The following ACACA variants were observed in gnomAD, a reference collection of about 807,000 sequenced individuals.
ACACA encodes acetyl-CoA carboxylase 1.
A neutral mutation model predicts 296.1 loss-of-function variants in ACACA; 103 were observed. The observed-to-expected ratio is 0.35, with a 90% CI of 0.30 to 0.41. The LOEUF is 0.41. ACACA is among the 10% of genes least tolerant of loss of function. The pLI, the probability that ACACA is intolerant of heterozygous loss-of-function variation, is 1.00. For missense variants in ACACA, 1,554 were observed against 2,989.7 expected, an observed-to-expected ratio of 0.52 and a Z score of 11.20; for synonymous variants, 953 against 1,038.6, an observed-to-expected ratio of 0.92 and a Z score of 1.58.
At chr17:37,277,174 A>G (rs2082318205) in intron 6 of ACACA, 60 bp from the exon 7 acceptor site, 1 of 1,451,528 alleles carries the variant, frequency 6.9e-7, no homozygotes, top group Non-Finnish European at 9.7e-7. Flanking sequence ...CACAAACTGC[A>G]AGAGTCTCTA....
intron 48 of ACACA, 57 bp downstream of exon 48, chr17:37,125,641 T>C (rs897068958): frequency 2.1e-6 from 3 of 1,409,976 alleles, no homozygotes; most frequent in Non-Finnish European, 3.0e-6. Flanking sequence ...CCATGGCTCT[T>C]TCTTTCTTAT....
Position 37,085,471 on chromosome 17 carries a change from G to T in ACACA, c.*1845C>A. ...TACCACTTGTAGATATGTGGGATTT[G>T]ATTTATTGCAAAAAAGCATAGAAGA... is the stretch of plus-strand genomic sequence containing the variant. On this transcript the variant is annotated 3_prime_UTR_variant, in exon 56 of 56. Coordinates refer to ENST00000616317, the MANE Select transcript of ACACA (RefSeq NM_198834.3). 2.5e-6 allele frequency: 1 copy of T among 397,452 alleles called. No homozygotes were observed. Among genetic ancestry groups the T allele is most frequent in the Admixed American group, 4.4e-5 (1 of 22,722 alleles). 24.6% of individuals were successfully genotyped at this position (397,452 alleles called of 1,614,324 possible).
At chr17:37,257,397 C>T (rs986102935) in intron 14 of ACACA, among the ~76,000 whole-genome samples, 3 of 152,048 alleles carry the variant, frequency 2.0e-5, no homozygotes, top group African/African-American at 7.2e-5. Context: ...CCCTCAATAA[C>T]AATACTGTTC....
In ACACA at chr17:37,248,024, C is replaced by A. The variant is rs1440269243; in HGVS notation, c.2296G>T (p.Glu766Ter). 2.5e-6 allele frequency: 4 copies of A among 1,614,108 alleles called. No individual in the cohort carries two copies. The change falls in exon 18 of 56, where the codon GAG (glutamate) becomes TAG (stop). Residue 766 changes from glutamate to a stop codon, truncating the protein, a stop_gained. Coordinates refer to ENST00000616317, the MANE Select transcript of ACACA (RefSeq NM_198834.3). LOFTEE classifies it high-confidence loss of function. Reference sequence around the variant, plus strand: ...ACAGCCACTTACCTATCCACTTCCTCTTTCATATACGTAGTATAACTGCTG... The same window carrying A: ...ACAGCCACTTACCTATCCACTTCCTATTTCATATACGTAGTATAACTGCTG... ...DGSSYTTYMK[E>*]EVDRYRITIG...
chr17:37,264,926 G>A (rs895908067), intron 10 of ACACA, among the ~76,000 whole-genome samples: 2 of 152,118 alleles, frequency 1.3e-5, no homozygotes, highest in African/African-American at 4.8e-5. Flanking sequence ...TCATCATCTG[G>A]TAGCTTGAGT....
At chr17:37,230,673 C>T (rs2079815924) in intron 25 of ACACA, among the ~76,000 whole-genome samples, 1 of 152,194 alleles carries the variant, frequency 6.6e-6, no homozygotes, top group Non-Finnish European at 1.5e-5. Context: ...TCTTAAGATG[C>T]CAACTAACAT....
intron 1 of ACACA, among the ~76,000 whole-genome samples, chr17:37,346,306 G>A (rs1276519399): frequency 2.2e-5 from 3 of 133,740 alleles, no homozygotes; most frequent in African/African-American, 3.1e-5. Flanking sequence ...AACAGAGCAA[G>A]ACTCTCTCTC....
intron 33 of ACACA, among the ~76,000 whole-genome samples, chr17:37,202,091 G>GA (rs899393295): frequency 2.0e-5 from 3 of 151,994 alleles, no homozygotes; most frequent in Admixed American, 2.0e-4. Flanking sequence ...ACAACAATAT[G>GA]AAAAAAATGT....
At chr17:37,284,653 A>G (rs914063493) in intron 4 of ACACA, among the ~76,000 whole-genome samples, 185 bp downstream of exon 4, 16 of 152,226 alleles carry the variant, frequency 1.1e-4, no homozygotes, top group Admixed American at 2.6e-4. Flanking sequence ...GTAAATACAT[A>G]TTATAGGAAA....
At chr17:37,232,461 C>T (rs748528048) in intron 25 of ACACA, among the ~76,000 whole-genome samples, 2 of 152,062 alleles carry the variant, frequency 1.3e-5, no homozygotes, top group Non-Finnish European at 2.9e-5. Context: ...TGGCTCTTAC[C>T]AGCTACTACC....
chr17:37,141,813 T>C (rs142385159), intron 45 of ACACA, among the ~76,000 whole-genome samples: 3,137 of 151,994 alleles, frequency 0.021, 57 homozygotes, highest in Non-Finnish European at 0.03. Context: ...TGCCTCAGCC[T>C]CCTGAGTAGC....
intron 45 of ACACA, chr17:37,141,416 C>CGAGATCT: frequency 6.5e-6 from 2 of 306,512 alleles, no homozygotes; most frequent in South Asian, 3.3e-5. Flanking sequence ...CAGGCACCCC[C>CGAGATCT]ACACCTGGCT....
At chr17:37,234,504 G>A (rs1402677184) in intron 25 of ACACA, among the ~76,000 whole-genome samples, 1 of 151,912 alleles carries the variant, frequency 6.6e-6, no homozygotes. Context: ...AAATAAAAAG[G>A]GACCAATGAA....
intron 3 of ACACA, among the ~76,000 whole-genome samples, chr17:37,302,265 C>G (rs975933741): frequency 6.7e-6 from 1 of 150,138 alleles, no homozygotes; most frequent in Non-Finnish European, 1.5e-5. Flanking sequence ...TGCAATGGCG[C>G]GATCTCGGCT....
At chr17:37,109,939 T>C (rs2073892268) in intron 52 of ACACA, among the ~76,000 whole-genome samples, 1 of 152,218 alleles carries the variant, frequency 6.6e-6, no homozygotes, top group African/African-American at 2.4e-5. Context: ...TCTCTGCTTC[T>C]GCTAGAGTCA....
intron 41 of ACACA, among the ~76,000 whole-genome samples, chr17:37,168,623 T>C (rs1375980996): frequency 2.0e-5 from 3 of 152,268 alleles, no homozygotes; most frequent in East Asian, 1.9e-4. Context: ...CTACAACCGA[T>C]CTTATTTATA....
At chr17:37,336,654 C>T (rs751347189) in intron 2 of ACACA, among the ~76,000 whole-genome samples, 16 of 152,124 alleles carry the variant, frequency 1.1e-4, no homozygotes, top group Non-Finnish European at 1.9e-4. Context: ...GGAGCTCTGT[C>T]TTCACTCTAT....
At chr17:37,358,843 C>T (rs2049268331) in intron 1 of ACACA, among the ~76,000 whole-genome samples, 1 of 152,164 alleles carries the variant, frequency 6.6e-6, no homozygotes, top group Non-Finnish European at 1.5e-5. Flanking sequence ...GCGGGAAGGG[C>T]TGGGCTGCCC....
chr17:37,094,386 C>A (rs974104952), intron 54 of ACACA, among the ~76,000 whole-genome samples: 6 of 152,120 alleles, frequency 3.9e-5, no homozygotes, highest in African/African-American at 1.2e-4. Flanking sequence ...AAAACAAATT[C>A]TCTGGGAACA....
Sources: gnomAD v4.1 joint callset for allele counts (sites outside exome capture counted in the v4.1 genomes callset) on GRCh38, gnomAD v4.1.1 for gene constraint, MANE v1.5 for transcripts, NCBI Gene and HGNC (gene_info 2026-07-23, HGNC 2026-07-21) for gene names.